The following ELF4 variants were observed in gnomAD, a reference collection of about 807,000 sequenced individuals.
ELF4 encodes ETS-related transcription factor Elf-4.
ELF4 carries 10 observed loss-of-function variants against 31.7 expected under a neutral mutation model. The observed-to-expected ratio is 0.32, with a 90% CI of 0.19 to 0.54. The LOEUF (loss-of-function observed/expected upper bound fraction) is 0.54, where lower values mean the gene tolerates loss of function less well. ELF4 is among the 20% of genes least tolerant of loss of function. ELF4 has a pLI of 0.95. For missense variants in ELF4, 418 were observed against 522.0 expected, an observed-to-expected ratio of 0.80 and a Z score of 1.94; for synonymous variants, 208 against 226.7, an observed-to-expected ratio of 0.92 and a Z score of 0.74.
chrX:130,095,525 C>T (rs895534018), intron 1 of ELF4, among the ~76,000 whole-genome samples: 17 of 111,632 alleles, frequency 1.5e-4, no homozygotes, highest in African/African-American at 4.9e-4. Context: ...CTCTCCACTT[C>T]GAAGCCTCAG....
Position 130,066,825 on chromosome X carries a change from T to G in ELF4, c.1888A>C (p.Ser630Arg), listed in dbSNP as rs1260501773. 1 of 1,208,093 alleles carries G rather than the reference T, an allele frequency of 8.3e-7. No individual in the cohort carries two copies. Among genetic ancestry groups the G allele is most frequent in the Non-Finnish European group, 1.1e-6 (1 of 893,785 alleles). The stretch of plus-strand genomic sequence containing the variant: ...AGAAGGCTCCCAGATGTGGTCACAC[T>G]AGGCTCAGCCATCAGCAGGGACCCT... ...GSGSLLMAEP[S>R]VTTSGSLLTR... Residue 630 changes from serine to arginine, a missense_variant, in exon 9 of 9, where the codon AGT becomes CGT. Ser to Arg is a moderately radical substitution (Grantham distance 110). Coordinates refer to ENST00000308167, the MANE Select transcript of ELF4 (RefSeq NM_001421.4).
chrX:130,068,657 G>A (rs758372467), intron 8 of ELF4, among the ~76,000 whole-genome samples: 3 of 112,749 alleles, frequency 2.7e-5, no homozygotes, highest in African/African-American at 6.4e-5. Context: ...GGAGCTAGCC[G>A]GGTGGGCCTG....
At position 130,065,422 on chromosome X, in the gene ELF4, G is replaced by A. The variant is rs191577974; in HGVS notation, c.*1299C>T. 55 of 174,019 alleles carry A rather than the reference G, an allele frequency of 3.2e-4. No individual in the cohort carries two copies. Among genetic ancestry groups the A allele is most frequent in the South Asian group, 1.3e-3 (4 of 3,131 alleles). The allele number at this position is 174,019 out of a possible 1,213,427, so 14.3% of individuals were successfully genotyped here. On this transcript the variant is annotated 3_prime_UTR_variant, in exon 9 of 9. Coordinates refer to ENST00000308167, the MANE Select transcript of ELF4 (RefSeq NM_001421.4). Reference sequence around the variant, plus strand: ...CGGGAACTCCTGGCTGCCGACTCCCGTCTTCTTGGTGAAGGAGTCAGGGTT... The same window carrying A: ...CGGGAACTCCTGGCTGCCGACTCCCATCTTCTTGGTGAAGGAGTCAGGGTT...
chrX:130,072,497 G>T, intron 4 of ELF4, 80 bp from the exon 5 acceptor site: 1 of 1,045,935 alleles, frequency 9.6e-7, no homozygotes, highest in South Asian at 1.9e-5. Flanking sequence ...AGACGGGTAG[G>T]TTCCAAGGGA....
At chrX:130,098,304 G>A (rs1252467809) in intron 1 of ELF4, among the ~76,000 whole-genome samples, 2 of 112,191 alleles carry the variant, frequency 1.8e-5, no homozygotes, top group Non-Finnish European at 3.8e-5. Context: ...GGAATGAGAC[G>A]TGGTGCTGCT....
At chrX:130,109,223 G>A (rs886116609) in intron 1 of ELF4, among the ~76,000 whole-genome samples, 1 of 112,077 alleles carries the variant, frequency 8.9e-6, no homozygotes, top group African/African-American at 3.2e-5. Flanking sequence ...CCAGCTGTTG[G>A]GGCTGAGCAG....
rs751211748 is a variant in ELF4 at position 130,069,254 on chromosome X, A to G, written c.1187+46T>C. 1.6e-5 allele frequency: 19 copies of G among 1,202,802 alleles called. No individual in the cohort carries two copies. In the South Asian group the frequency reaches 3.4e-4, roughly 21 times the overall value. On this transcript the variant is annotated intron_variant, in intron 8 of 8. Coordinates refer to ENST00000308167, the MANE Select transcript of ELF4 (RefSeq NM_001421.4). ...AAAAAAAAAAGAAAACTGAACCCCA[A>G]CATGATGTACTATGTGAAGACTCAT...
Position 130,067,512 on chromosome X carries a change from G to A in ELF4, c.1201C>T (p.Pro401Ser). 1 of 1,211,959 alleles carries A rather than the reference G, an allele frequency of 8.3e-7. No homozygotes were observed. Among genetic ancestry groups the A allele is most frequent in the Non-Finnish European group, 1.1e-6 (1 of 895,396 alleles). ...LTKAVSASSV[P>S]SNIHLGVAPV... Reference sequence around the variant, plus strand: ...GCCACTCCTAGGTGGATGTTGCTGGGCACTGAAGATGCACTGAGAAGAAAC... The same window carrying A: ...GCCACTCCTAGGTGGATGTTGCTGGACACTGAAGATGCACTGAGAAGAAAC... The change falls in exon 9 of 9, where the codon CCC becomes TCC. Residue 401 changes from proline to serine, a missense_variant. Physicochemically the swap from Pro to Ser is moderately conservative, Grantham distance 74. This residue lies in a region of ELF4 where 260 missense variants were observed against 269.2 expected (regional missense o/e 0.97). Transcript: ENST00000308167.
In ELF4 at chrX:130,078,358, T is replaced by G. The variant is rs1932853097; in HGVS notation, c.75+2898A>C. On this transcript the variant is annotated intron_variant, in intron 2 of 8. Coordinates refer to ENST00000308167, the MANE Select transcript of ELF4 (RefSeq NM_001421.4). ...ACCAGCCTGACCGGCTCACACCTATTGTAATCCCAGCACTTCTTGGGAGGC... is the reference window on the plus strand; with the variant it reads ...ACCAGCCTGACCGGCTCACACCTATGGTAATCCCAGCACTTCTTGGGAGGC... Among the ~76,000 whole-genome samples, 4 of 38,741 alleles carry G rather than the reference T, an allele frequency of 1.0e-4. No individual in the cohort carries two copies. The South Asian group carries it at 0.013, about 127-fold the overall frequency. 33.6% of individuals were successfully genotyped at this position (38,741 alleles called of 115,157 possible).
At chrX:130,101,673 C>A (rs1057205205) in intron 1 of ELF4, among the ~76,000 whole-genome samples, 6 of 110,127 alleles carry the variant, frequency 5.4e-5, no homozygotes, top group Non-Finnish European at 9.5e-5. Flanking sequence ...TGACTGTAAT[C>A]CCAGGTACTC....
intron 1 of ELF4, among the ~76,000 whole-genome samples, chrX:130,107,263 G>A (rs1933394469): frequency 9.1e-6 from 1 of 109,877 alleles, no homozygotes; most frequent in South Asian, 3.8e-4. Flanking sequence ...GGGCGACAGA[G>A]CAAGACTCCA....
At chrX:130,102,960 G>GAGGAAGGAAGGA (rs1167619118) in intron 1 of ELF4, among the ~76,000 whole-genome samples, 1 of 51,236 alleles carries the variant, frequency 2.0e-5, no homozygotes, top group African/African-American at 1.1e-4. Flanking sequence ...GGAAGGGAGG[G>GAGGAAGGAAGGA]AGGAAGGAAG....
intron 1 of ELF4, among the ~76,000 whole-genome samples, chrX:130,097,651 C>G (rs1387695518): frequency 8.9e-6 from 1 of 112,215 alleles, no homozygotes; most frequent in African/African-American, 3.2e-5. Flanking sequence ...TGTTGACTGT[C>G]TCCATGAGGG....
intron 4 of ELF4, 127 bp from the exon 5 acceptor site, chrX:130,072,544 A>C (rs1932798390): frequency 9.3e-6 from 6 of 646,534 alleles, no homozygotes; most frequent in Non-Finnish European, 1.5e-5. Context: ...CAGACACAGG[A>C]TACACCTGAA....
chrX:130,101,730 C>T (rs1387557999), intron 1 of ELF4, among the ~76,000 whole-genome samples: 3 of 110,263 alleles, frequency 2.7e-5, no homozygotes, highest in Non-Finnish European at 5.7e-5. Flanking sequence ...ACCCGGGAGG[C>T]AGAGGTTGCA....
chrX:130,069,695 G>A lies in ELF4; in HGVS notation c.810-18C>T. ...AGTAGTATCTAGAGGAAGAGGGGCAGGGAGTTGGGAGTTAGCCGGGAGCTG... is the reference window on the plus strand; with the variant it reads ...AGTAGTATCTAGAGGAAGAGGGGCAAGGAGTTGGGAGTTAGCCGGGAGCTG... On this transcript the variant is annotated intron_variant, in intron 7 of 8. Coordinates refer to ENST00000308167, the MANE Select transcript of ELF4 (RefSeq NM_001421.4). 1 of 1,210,005 alleles carries A rather than the reference G, an allele frequency of 8.3e-7. No homozygotes were observed. Among genetic ancestry groups the A allele is most frequent in the Non-Finnish European group, 1.1e-6 (1 of 895,557 alleles).
chrX:130,088,779 C>CT (rs983500054), intron 1 of ELF4, among the ~76,000 whole-genome samples: 48 of 112,119 alleles, frequency 4.3e-4, no homozygotes, highest in African/African-American at 1.5e-3. Flanking sequence ...CTGGGATAAT[C>CT]TATGTTGGTA....
chrX:130,111,349 G>T (rs919880836), upstream of ELF4, among the ~76,000 whole-genome samples: 7 of 112,836 alleles, frequency 6.2e-5, no homozygotes, highest in African/African-American at 2.2e-4. Context: ...GTTTCGTCCA[G>T]CCCCCTCGGC....
At chrX:130,070,880 G>T (rs1418901580) in intron 7 of ELF4, among the ~76,000 whole-genome samples, 160 bp downstream of exon 7, 1 of 110,005 alleles carries the variant, frequency 9.1e-6, no homozygotes, top group Non-Finnish European at 1.9e-5. Context: ...GCCAGAGGGG[G>T]CCTGGGGAAC....
Sources: gnomAD v4.1 joint callset for allele counts (sites outside exome capture counted in the v4.1 genomes callset) on GRCh38, gnomAD v4.1.1 for gene constraint, gnomAD v4.1.1 regional missense constraint, MANE v1.5 for transcripts, NCBI Gene and HGNC (gene_info 2026-07-23, HGNC 2026-07-21) for gene names.